Variants in TBL1X observed in about 807,000 individuals in gnomAD.
The protein encoded by TBL1X is transducin beta like 1 X-linked, also known as F-box-like/WD repeat-containing protein TBL1X.
TBL1X carries 10 observed loss-of-function variants against 50.7 expected under a neutral mutation model. That is an observed-to-expected ratio of 0.20 (90% CI 0.12 to 0.33). TBL1X has a LOEUF of 0.33. Ranked by LOEUF, TBL1X falls within the 10% of genes least tolerant of loss-of-function variation. The pLI is 1.00. For synonymous variants in TBL1X, 190 were observed against 214.7 expected (o/e 0.88, Z 1.01); for missense variants, 340 against 504.4 (o/e 0.67, Z 3.12).
intron 5 of TBL1X, among the ~76,000 whole-genome samples, chrX:9,679,616 G>A (rs1250827149): frequency 8.9e-6 from 1 of 112,146 alleles, no homozygotes; most frequent in Non-Finnish European, 1.9e-5. Flanking sequence ...TTGGTGCTTC[G>A]TTTATCATTG....
At chrX:9,675,294 G>A (rs745894629) in intron 5 of TBL1X, among the ~76,000 whole-genome samples, 9 of 111,681 alleles carry the variant, frequency 8.1e-5, no homozygotes, top group Admixed American at 1.9e-4. Context: ...TTGGTGATGC[G>A]GACCTAGGAC....
At chrX:9,501,626 G>A (rs16998731) in intron 1 of TBL1X, among the ~76,000 whole-genome samples, 154 bp from the exon 2 acceptor site, 3,609 of 111,589 alleles carry the variant, frequency 0.032, 147 homozygotes, top group African/African-American at 0.11. Context: ...GCTTTGGAAT[G>A]CCCTGGGCTG....
chrX:9,592,013 T>G (rs939658776), intron 2 of TBL1X, among the ~76,000 whole-genome samples: 3 of 112,581 alleles, frequency 2.7e-5, no homozygotes, highest in African/African-American at 9.7e-5. Flanking sequence ...AAACTCAGTG[T>G]TCCATGTGAC....
At chrX:9,538,478 A>T (rs970423306) in intron 2 of TBL1X, among the ~76,000 whole-genome samples, 1 of 112,180 alleles carries the variant, frequency 8.9e-6, no homozygotes, top group African/African-American at 3.2e-5. Flanking sequence ...TATGTGCGCT[A>T]TCCTTAAACT....
At chrX:9,591,249 C>T (rs953397951) in intron 2 of TBL1X, among the ~76,000 whole-genome samples, 2 of 111,551 alleles carry the variant, frequency 1.8e-5, no homozygotes, top group Non-Finnish European at 3.8e-5. Context: ...GTGAAGCACT[C>T]AGCACAGTGC....
intron 2 of TBL1X, among the ~76,000 whole-genome samples, chrX:9,519,042 C>T (rs1431223504): frequency 1.8e-5 from 2 of 110,570 alleles, no homozygotes; most frequent in Non-Finnish European, 3.8e-5. Flanking sequence ...CCTGCCTTTG[C>T]GTTCACTATT....
At chrX:9,489,417 G>C (rs2081929958) in intron 1 of TBL1X, among the ~76,000 whole-genome samples, 1 of 111,986 alleles carries the variant, frequency 8.9e-6, no homozygotes, top group African/African-American at 3.2e-5. Flanking sequence ...TCAGCTTTCT[G>C]CCATGCTAAT....
At chrX:9,527,376 G>C in intron 2 of TBL1X, among the ~76,000 whole-genome samples, 1 of 111,620 alleles carries the variant, frequency 9.0e-6, no homozygotes, top group Middle Eastern at 4.6e-3. Flanking sequence ...ATTTATTGTA[G>C]TACGACCTTT....
chrX:9,694,082 G>C (rs1021739032), intron 11 of TBL1X, among the ~76,000 whole-genome samples: 1 of 111,045 alleles, frequency 9.0e-6, no homozygotes, highest in African/African-American at 3.3e-5. Context: ...CAGCAACCTC[G>C]GCCTCTGTGC....
intron 14 of TBL1X, 22 bp downstream of exon 14, chrX:9,709,344 G>A (rs2083230352): frequency 3.3e-6 from 4 of 1,207,677 alleles, no homozygotes; most frequent in East Asian, 5.9e-5. Context: ...ATGGCAAGGG[G>A]TGGGCTGTTT....
chrX:9,684,171 G>A lies in TBL1X; in HGVS notation c.340G>A (p.Glu114Lys), dbSNP rs768898904. Residue 114 changes from glutamate (E) to lysine (K), a missense_variant, in exon 6 of 18, where the codon GAG becomes AAG. By Grantham distance (56) the Glu-to-Lys change is moderately conservative. Around this residue, in one of 6 missense-constraint regions of TBL1X, gnomAD observed 24 missense variants for 44.1 expected, o/e 0.54. Transcript: ENST00000645353. ...LQKGLQYVEA[E>K]ISINEDGTVF... ...GAAGGGCCTGCAGTATGTAGAGGCC[G>A]AGATCAGTATCAACGAGGTACGTAG... The A allele has an allele frequency of 3.3e-6, 4 of 1,210,305 alleles. No homozygotes were observed. The highest frequency in any genetic ancestry group is 3.0e-5 in the East Asian group (1 of 33,759).
chrX:9,575,658 T>TG (rs1205024953), intron 2 of TBL1X, among the ~76,000 whole-genome samples: 1 of 112,089 alleles, frequency 8.9e-6, no homozygotes, highest in Admixed American at 9.4e-5. Context: ...CGTTTTTGTG[T>TG]GGATGTATGC....
chrX:9,584,466 C>G (rs1011653138), intron 2 of TBL1X, among the ~76,000 whole-genome samples: 12 of 112,023 alleles, frequency 1.1e-4, no homozygotes, highest in African/African-American at 3.9e-4. Context: ...AGTTCTATGT[C>G]AAAGTGGGAG....
intron 1 of TBL1X, among the ~76,000 whole-genome samples, chrX:9,480,704 C>A: frequency 9.4e-6 from 1 of 106,138 alleles, no homozygotes; most frequent in Non-Finnish European, 1.9e-5. Context: ...TATCAAGGGT[C>A]TAAACATTTG....
At chrX:9,689,671 C>T (rs754470829) in intron 7 of TBL1X, among the ~76,000 whole-genome samples, 2 of 112,049 alleles carry the variant, frequency 1.8e-5, no homozygotes, top group Admixed American at 9.4e-5. Context: ...ATTGGAAGGC[C>T]GCATTTTGAT....
At chrX:9,471,817 C>T (rs942607737) in intron 1 of TBL1X, among the ~76,000 whole-genome samples, 2 of 111,112 alleles carry the variant, frequency 1.8e-5, no homozygotes, top group African/African-American at 6.6e-5. Context: ...TGGATGTAGC[C>T]GGAATGCTTT....
chrX:9,711,962 C>T (rs778586062), intron 16 of TBL1X, among the ~76,000 whole-genome samples, 186 bp downstream of exon 16: 4 of 112,509 alleles, frequency 3.6e-5, no homozygotes, highest in Non-Finnish European at 7.5e-5. Context: ...CCACCAGACA[C>T]CTCCGGCAGC....
chrX:9,663,469 G>A (rs926975206), intron 5 of TBL1X, among the ~76,000 whole-genome samples: 1 of 111,760 alleles, frequency 8.9e-6, no homozygotes, highest in Non-Finnish European at 1.9e-5. Flanking sequence ...TCAGAAGATT[G>A]CAGACTGGGC....
intron 7 of TBL1X, among the ~76,000 whole-genome samples, chrX:9,689,285 C>G (rs998543825): frequency 1.8e-5 from 2 of 112,348 alleles, no homozygotes; most frequent in Non-Finnish European, 3.8e-5. Context: ...GTGTAGAGAG[C>G]CAGCCGGCTG....
Sources: gnomAD v4.1 joint callset for allele counts (sites outside exome capture counted in the v4.1 genomes callset) on GRCh38, gnomAD v4.1.1 for gene constraint, gnomAD v4.1.1 regional missense constraint, MANE v1.5 for transcripts, NCBI Gene and HGNC (gene_info 2026-07-23, HGNC 2026-07-21) for gene names.